The following DNM3 variants were observed in gnomAD, a reference collection of about 807,000 sequenced individuals.
DNM3 encodes dynamin 3.
In DNM3, 47 loss-of-function variants were observed where a neutral mutation model predicts 101.6. The ratio of observed to expected loss-of-function variants is 0.46; its 90% CI spans 0.37 to 0.59. The LOEUF (loss-of-function observed/expected upper bound fraction) is 0.59, where lower values mean the gene tolerates loss of function less well. DNM3 is among the 20% of genes least tolerant of loss of function. The pLI, the probability that DNM3 is intolerant of heterozygous loss-of-function variation, is 0.00. For missense variants in DNM3, 849 were observed against 1,085.7 expected, an observed-to-expected ratio of 0.78 and a Z score of 3.06; for synonymous variants, 385 against 387.9, an observed-to-expected ratio of 0.99 and a Z score of 0.09.
intron 1 of DNM3, among the ~76,000 whole-genome samples, chr1:171,865,525 A>T (rs1373324869): frequency 1.2e-3 from 177 of 150,542 alleles, no homozygotes; most frequent in African/African-American, 3.5e-3. Context: ...CAAAAAAAAA[A>T]AAAAAAAAAA....
At chr1:171,962,160 A>C (rs10798791) in intron 2 of DNM3, among the ~76,000 whole-genome samples, 96,043 of 152,080 alleles carry the variant, frequency 0.63, 30,461 homozygotes, top group Middle Eastern at 0.68. Context: ...CATTAATCCA[A>C]GAATGTAATC....
At chr1:172,090,340 A>G (rs770444302) in intron 12 of DNM3, among the ~76,000 whole-genome samples, 1 of 152,182 alleles carries the variant, frequency 6.6e-6, no homozygotes, top group African/African-American at 2.4e-5. Context: ...AAAGAAAGTA[A>G]GGAGGAGATC....
intron 17 of DNM3, among the ~76,000 whole-genome samples, chr1:172,350,217 G>A (rs1273371812): frequency 1.3e-5 from 2 of 152,094 alleles, no homozygotes; most frequent in Admixed American, 1.3e-4. Context: ...TGGGTGATTA[G>A]TGGCAGTTGA....
chr1:172,266,593 A>C (rs2062867536), intron 15 of DNM3, among the ~76,000 whole-genome samples: 1 of 152,166 alleles, frequency 6.6e-6, no homozygotes, highest in African/African-American at 2.4e-5. Context: ...TGCCTCACAA[A>C]ATGCTAAGTG....
At chr1:172,178,593 C>T (rs1386380356) in intron 14 of DNM3, among the ~76,000 whole-genome samples, 2 of 151,184 alleles carry the variant, frequency 1.3e-5, no homozygotes, top group Non-Finnish European at 3.0e-5. Context: ...TAGTGCATGC[C>T]GTGATGATGA....
intron 14 of DNM3, among the ~76,000 whole-genome samples, chr1:172,179,849 A>G (rs2148385790): frequency 6.6e-6 from 1 of 152,136 alleles, no homozygotes; most frequent in East Asian, 1.9e-4. Flanking sequence ...GTATTAAAAA[A>G]CTAAGGCTCT....
intron 14 of DNM3, among the ~76,000 whole-genome samples, chr1:172,251,973 T>A (rs2062187927): frequency 1.3e-5 from 2 of 152,294 alleles, no homozygotes; most frequent in South Asian, 4.1e-4. Context: ...GACTCAACTA[T>A]GGTATCTCAT....
intron 12 of DNM3, among the ~76,000 whole-genome samples, chr1:172,087,883 A>G (rs2147787124): frequency 6.6e-6 from 1 of 152,178 alleles, no homozygotes; most frequent in East Asian, 1.9e-4. Context: ...AGCCTATTCT[A>G]TTGTTACTAT....
intron 12 of DNM3, among the ~76,000 whole-genome samples, chr1:172,082,332 T>C (rs575887654): frequency 6.6e-6 from 1 of 152,116 alleles, no homozygotes; most frequent in South Asian, 2.1e-4. Flanking sequence ...CCTGTTTTTT[T>C]TTTTTTTTTA....
intron 1 of DNM3, among the ~76,000 whole-genome samples, chr1:171,842,971 T>A (rs939387776): frequency 6.6e-6 from 1 of 152,326 alleles, no homozygotes; most frequent in Non-Finnish European, 1.5e-5. Flanking sequence ...CTGGCGAGAT[T>A]GTACTTTATT....
chr1:171,976,806 T>C (rs934577874), intron 2 of DNM3, among the ~76,000 whole-genome samples: 1 of 152,224 alleles, frequency 6.6e-6, no homozygotes, highest in African/African-American at 2.4e-5. Context: ...ATATTTTCTT[T>C]AAAAATTTTT....
At chr1:171,995,955 G>A (rs1184025420) in intron 4 of DNM3, among the ~76,000 whole-genome samples, 2 of 152,066 alleles carry the variant, frequency 1.3e-5, no homozygotes, top group Admixed American at 1.3e-4. Context: ...TCACCTAAAC[G>A]GGATTTGAGT....
At chr1:172,251,008 G>A (rs952039696) in intron 14 of DNM3, among the ~76,000 whole-genome samples, 5 of 152,006 alleles carry the variant, frequency 3.3e-5, no homozygotes, top group Admixed American at 6.6e-5. Context: ...CAATTAAAAA[G>A]TATTACCAAT....
Position 172,206,754 on chromosome 1 carries a change from G to A in DNM3, c.1660-46819G>A, listed in dbSNP as rs186895114. Among the ~76,000 whole-genome samples the A allele has an allele frequency of 6.6e-5, 10 of 152,222 alleles. No homozygotes were observed. The East Asian group carries it at 1.9e-3, about 29-fold the overall frequency. ...CTGGGTACCCTAAAAAGATCTTGCT[G>A]ACACCCAGGAGCTGTTGTTTATACT... On this transcript the variant is annotated intron_variant, in intron 14 of 20. Coordinates refer to ENST00000627582, the MANE Select transcript of DNM3 (RefSeq NM_015569.5).
intron 9 of DNM3, among the ~76,000 whole-genome samples, chr1:172,047,739 G>A (rs1335254928): frequency 6.6e-6 from 1 of 152,108 alleles, no homozygotes; most frequent in African/African-American, 2.4e-5. Flanking sequence ...TAAGGGAAGT[G>A]TTGAAAAGAT....
intron 13 of DNM3, among the ~76,000 whole-genome samples, chr1:172,096,602 T>C (rs1209127102): frequency 6.6e-6 from 1 of 152,192 alleles, no homozygotes; most frequent in African/African-American, 2.4e-5. Flanking sequence ...ATGGTGCTGC[T>C]CTTCACAGAG....
At chr1:171,924,434 G>A (rs2040402856) in intron 2 of DNM3, among the ~76,000 whole-genome samples, 1 of 152,150 alleles carries the variant, frequency 6.6e-6, no homozygotes, top group African/African-American at 2.4e-5. Flanking sequence ...AAAAGAAAGA[G>A]GTTTCATTGA....
intron 4 of DNM3, among the ~76,000 whole-genome samples, chr1:172,024,651 G>A (rs534729133): frequency 1.9e-4 from 29 of 152,354 alleles, no homozygotes; most frequent in Middle Eastern, 3.4e-3. Context: ...CCCATGGAGG[G>A]CAAGCCAAAG....
chr1:172,015,820 G>T (rs2047411878), intron 4 of DNM3, among the ~76,000 whole-genome samples: 1 of 152,116 alleles, frequency 6.6e-6, no homozygotes, highest in South Asian at 2.1e-4. Flanking sequence ...AAGCACTGGT[G>T]AGAGAGAACA....
Sources: allele counts gnomAD v4.1 joint callset (sites outside exome capture counted in the v4.1 genomes callset), GRCh38; gene constraint gnomAD v4.1.1; transcripts MANE v1.5; gene names NCBI Gene and HGNC (gene_info 2026-07-23, HGNC 2026-07-21).